The following RELN variants were observed in gnomAD, a reference collection of about 807,000 sequenced individuals.
The protein encoded by RELN is reelin.
Under a neutral mutation model 427.6 loss-of-function variants are expected in RELN, and 108 were observed. The observed-to-expected ratio is 0.25, with a 90% CI of 0.22 to 0.30. The LOEUF is 0.30. Among genes scored for constraint, RELN ranks in the 10% least tolerant of loss-of-function variants. The pLI is 1.00. For missense variants in RELN, 3,715 were observed against 4,302.8 expected, an observed-to-expected ratio of 0.86 and a Z score of 3.82; for synonymous variants, 1,524 against 1,513.4, an observed-to-expected ratio of 1.01 and a Z score of -0.16.
chr7:103,701,048 GT>G (rs1414252257), intron 8 of RELN, 42 bp from the exon 9 acceptor site: 2 of 1,097,630 alleles, frequency 1.8e-6, no homozygotes, highest in South Asian at 2.5e-5. Flanking sequence ...TTAAAAAATG[GT>G]GCAAATACAT....
intron 6 of RELN, among the ~76,000 whole-genome samples, chr7:103,748,035 C>T (rs978243013): frequency 1.3e-5 from 2 of 151,250 alleles, no homozygotes; most frequent in Admixed American, 6.6e-5. Context: ...TGAATTTGCC[C>T]TGAAAGAAAC....
intron 2 of RELN, among the ~76,000 whole-genome samples, chr7:103,892,779 A>C (rs1183818476): frequency 2.0e-5 from 3 of 152,226 alleles, no homozygotes; most frequent in Non-Finnish European, 2.9e-5. Context: ...TATCATTTCC[A>C]GTAGAGACTC....
At chr7:103,746,289 T>C (rs1366497986) in intron 6 of RELN, among the ~76,000 whole-genome samples, 2 of 152,172 alleles carry the variant, frequency 1.3e-5, no homozygotes, top group South Asian at 2.1e-4. Flanking sequence ...AAGACTTAAA[T>C]GTTAGACCTA....
At chr7:103,707,843 AAAAC>A (rs1332384374) in intron 8 of RELN, among the ~76,000 whole-genome samples, 1 of 152,208 alleles carries the variant, frequency 6.6e-6, no homozygotes, top group African/African-American at 2.4e-5. Flanking sequence ...TCAGATAAGC[AAAAC>A]AAACAAAAAA....
intron 2 of RELN, among the ~76,000 whole-genome samples, chr7:103,903,850 G>A (rs962142308): frequency 6.7e-6 from 1 of 150,268 alleles, no homozygotes; most frequent in Admixed American, 6.6e-5. Flanking sequence ...TTTTGTTTTT[G>A]TTTTTTTTTA....
Position 103,510,961 on chromosome 7 carries a change from A to T in RELN, c.8164T>A (p.Phe2722Ile). The T allele has an allele frequency of 6.2e-7, 1 of 1,613,628 alleles. No individual in the cohort carries two copies. The change falls in exon 51 of 65, where the codon TTC (phenylalanine) becomes ATC (isoleucine). Residue 2722 changes from phenylalanine (F) to isoleucine (I), a missense_variant. Physicochemically the swap from Phe to Ile is conservative, Grantham distance 21. Transcript: ENST00000428762. ...ATCACACCATCAGGGGAGTCACAGAATCTTTCTACTGTACAATCATCATGG... is the reference window on the plus strand; with the variant it reads ...ATCACACCATCAGGGGAGTCACAGATTCTTTCTACTGTACAATCATCATGG... ...LFHDDCTVER[F>I]CDSPDGVMLC...
chr7:103,760,605 G>A (rs1474971766), intron 4 of RELN, among the ~76,000 whole-genome samples: 2 of 151,892 alleles, frequency 1.3e-5, no homozygotes, highest in Admixed American at 1.3e-4. Flanking sequence ...TGGTAAATGA[G>A]CTTTGAGCTA....
At position 103,528,969 on chromosome 7, in the gene RELN, C is replaced by T. The variant is rs185058563; in HGVS notation, c.7350-5438G>A. Among the ~76,000 whole-genome samples the T allele has an allele frequency of 5.6e-3, 849 of 151,894 alleles. 9 individuals are homozygous for T. The highest frequency in any genetic ancestry group is 0.019 in the African/African-American group (785 of 41,462). ...TGGCCAACATGGTGAAACCCCGTCT[C>T]TACTAAAAATACAAAAATTAGCTGG... On this transcript the variant is annotated intron_variant, in intron 46 of 64. Transcript: ENST00000428762.
chr7:103,484,504 A>G (rs528745481), intron 61 of RELN: 1 of 156,120 alleles, frequency 6.4e-6, no homozygotes, highest in African/African-American at 2.4e-5. Context: ...TGATCAATGA[A>G]TTGACAGATG....
In RELN at chr7:103,756,694, T is replaced by C. The variant is rs73412825; in HGVS notation, c.545-3480A>G. Among the ~76,000 whole-genome samples the C allele has an allele frequency of 4.6e-3, 699 of 152,314 alleles. 6 individuals are homozygous for C. The highest frequency in any genetic ancestry group is 0.016 in the African/African-American group (652 of 41,560). ...CTGGGGAGCTTCAACACCAAGTCAG[T>C]ATTTACCTGGATTTAATTTAACTCA... On this transcript the variant is annotated intron_variant, in intron 4 of 64. Transcript: ENST00000428762.
intron 20 of RELN, 148 bp from the exon 21 acceptor site, chr7:103,611,951 A>C: frequency 1.5e-6 from 1 of 683,262 alleles, no homozygotes; most frequent in Non-Finnish European, 2.5e-6. Flanking sequence ...CGGTCAATCT[A>C]ATAAATGCAA....
chr7:103,874,890 G>A (rs1333900103), intron 2 of RELN, among the ~76,000 whole-genome samples: 1 of 146,550 alleles, frequency 6.8e-6, no homozygotes, highest in Non-Finnish European at 1.5e-5. Flanking sequence ...AAAAGAGCCT[G>A]CATTGCCAAG....
chr7:103,913,447 A>C (rs1795412826), intron 2 of RELN, among the ~76,000 whole-genome samples: 1 of 152,162 alleles, frequency 6.6e-6, no homozygotes, highest in African/African-American at 2.4e-5. Context: ...ACATTCCATC[A>C]AAAAAGTCAG....
intron 3 of RELN, among the ~76,000 whole-genome samples, chr7:103,791,696 T>C (rs1792164958): frequency 2.6e-5 from 4 of 151,540 alleles, no homozygotes. Flanking sequence ...AAATATAACA[T>C]GAAAGGTGAA....
At chr7:103,671,981 T>A (rs2106174) in intron 11 of RELN, among the ~76,000 whole-genome samples, 35,374 of 152,120 alleles carry the variant, frequency 0.23, 4,918 homozygotes, top group South Asian at 0.37. Context: ...CTCTATAGCC[T>A]TATGAGCATT....
intron 3 of RELN, among the ~76,000 whole-genome samples, chr7:103,781,789 G>A (rs936687101): frequency 6.6e-6 from 1 of 150,884 alleles, no homozygotes; most frequent in Non-Finnish European, 1.5e-5. Flanking sequence ...AGAATACAGA[G>A]TTATGGTACA....
At chr7:103,949,406 C>T (rs967568132) in intron 1 of RELN, among the ~76,000 whole-genome samples, 5 of 152,046 alleles carry the variant, frequency 3.3e-5, no homozygotes, top group African/African-American at 7.2e-5. Context: ...ATCTTAATCC[C>T]CAACATGATG....
Position 103,553,782 on chromosome 7 carries a change from ATT to A in RELN, c.5845_5846del (p.Asn1949Ter). 1 of 1,614,046 alleles carries A rather than the reference ATT, an allele frequency of 6.2e-7. No homozygotes were observed. Among genetic ancestry groups the A allele is most frequent in the Non-Finnish European group, 8.5e-7 (1 of 1,179,944 alleles). On this transcript the variant is annotated frameshift_variant, in exon 39 of 65. Coordinates refer to ENST00000428762, the MANE Select transcript of RELN (RefSeq NM_005045.4). LOFTEE classifies it high-confidence loss of function. ...WIVDDFIIDG[N>X]NVNNPVMLLD... ...AGAGCATCACAGGGTTGTTTACATT[ATT>A]TCCATCGATAATGAAGTCATCAACA...
intron 17 of RELN, among the ~76,000 whole-genome samples, chr7:103,638,805 G>A (rs910204836): frequency 6.6e-6 from 1 of 152,128 alleles, no homozygotes; most frequent in Non-Finnish European, 1.5e-5. Flanking sequence ...AAAGCATAAA[G>A]CTACCATTTA....
Sources: gnomAD v4.1 joint callset for allele counts (sites outside exome capture counted in the v4.1 genomes callset) on GRCh38, gnomAD v4.1.1 for gene constraint, MANE v1.5 for transcripts, NCBI Gene and HGNC (gene_info 2026-07-23, HGNC 2026-07-21) for gene names.